Variants in DPH6 observed in about 807,000 individuals in gnomAD.
DPH6 encodes diphthine--ammonia ligase.
Under a neutral mutation model 38.2 loss-of-function variants are expected in DPH6, and 33 were observed. The observed-to-expected ratio is 0.86, with a 90% CI of 0.65 to 1.15. The LOEUF (loss-of-function observed/expected upper bound fraction) is 1.15, where lower values mean the gene tolerates loss of function less well. Ranked by LOEUF, DPH6 falls within the 50% of genes most tolerant of loss-of-function variation. The pLI is 0.00. For missense variants in DPH6, 325 were observed against 320.0 expected, an observed-to-expected ratio of 1.02 and a Z score of -0.12; for synonymous variants, 108 against 103.0, an observed-to-expected ratio of 1.05 and a Z score of -0.30.
chr15:35,485,250 T>C (rs1311612906), intron 3 of DPH6, among the ~76,000 whole-genome samples: 2 of 152,152 alleles, frequency 1.3e-5, no homozygotes, highest in African/African-American at 2.4e-5. Context: ...AGAAGGCACA[T>C]GGGGAATACA....
chr15:35,495,853 G>A (rs1009594206), intron 3 of DPH6, among the ~76,000 whole-genome samples: 1 of 152,088 alleles, frequency 6.6e-6, no homozygotes, highest in Non-Finnish European at 1.5e-5. Context: ...GGCCTAAGAA[G>A]AAACAAATTA....
chr15:35,150,991 A>T, the DPH6 span, among the ~76,000 whole-genome samples: 1 of 152,144 alleles, frequency 6.6e-6, no homozygotes, highest in Non-Finnish European at 1.5e-5. Context: ...TTTATTTTTC[A>T]ATTATCTCAT....
chr15:35,167,107 A>T, the DPH6 span, among the ~76,000 whole-genome samples: 1 of 152,016 alleles, frequency 6.6e-6, no homozygotes, highest in African/African-American at 2.4e-5. Context: ...ATAAAACTAG[A>T]CATGGCTTTA....
the DPH6 span, among the ~76,000 whole-genome samples, chr15:35,197,921 A>G: frequency 3.9e-5 from 6 of 152,304 alleles, no homozygotes; most frequent in Admixed American, 3.9e-4. Flanking sequence ...TCTCATGGAC[A>G]TTACAGATTT....
chr15:35,313,576 G>A (rs2052162480), intron 3 of DPH6, among the ~76,000 whole-genome samples: 1 of 151,678 alleles, frequency 6.6e-6, no homozygotes, highest in South Asian at 2.1e-4. Flanking sequence ...TGATTCCTAG[G>A]TATTATATAT....
At chr15:35,424,843 C>T (rs2053548828) in intron 5 of DPH6, among the ~76,000 whole-genome samples, 1 of 151,570 alleles carries the variant, frequency 6.6e-6, no homozygotes, top group Admixed American at 6.6e-5. Context: ...CTTAATCCTG[C>T]TTGAGTGAAG....
At chr15:35,337,110 G>A (rs1189550149) in intron 3 of DPH6, among the ~76,000 whole-genome samples, 2 of 152,126 alleles carry the variant, frequency 1.3e-5, no homozygotes, top group African/African-American at 4.8e-5. Context: ...ATTGATTAAT[G>A]CCACAATTTC....
At chr15:35,280,589 T>C (rs2051891724) in intron 3 of DPH6, among the ~76,000 whole-genome samples, 1 of 152,240 alleles carries the variant, frequency 6.6e-6, no homozygotes, top group Non-Finnish European at 1.5e-5. Context: ...ATGTGAAATT[T>C]GGATTACTCC....
At chr15:35,496,946 T>C (rs1027951733) in intron 3 of DPH6, among the ~76,000 whole-genome samples, 1 of 152,048 alleles carries the variant, frequency 6.6e-6, no homozygotes, top group African/African-American at 2.4e-5. Context: ...CTGGAACTTA[T>C]TCAGATGCTG....
downstream of DPH6, among the ~76,000 whole-genome samples, chr15:35,367,683 T>A (rs1595503923): frequency 6.6e-6 from 1 of 151,786 alleles, no homozygotes; most frequent in African/African-American, 2.4e-5. Flanking sequence ...ATATAAATAA[T>A]TTAAAATTTT....
the DPH6 span, among the ~76,000 whole-genome samples, chr15:35,163,277 C>G: frequency 6.6e-6 from 1 of 151,810 alleles, no homozygotes; most frequent in Non-Finnish European, 1.5e-5. Flanking sequence ...GTTTTACTGC[C>G]ATTTATCTTT....
chr15:35,319,410 T>C (rs1345407147), intron 3 of DPH6, among the ~76,000 whole-genome samples: 4 of 152,134 alleles, frequency 2.6e-5, no homozygotes, highest in South Asian at 2.1e-4. Flanking sequence ...CCTTTCCAAA[T>C]TGTCCTGAAG....
In DPH6 at chr15:35,274,654, T is replaced by C. The variant is rs761387806; in HGVS notation, n.201-54072A>G. Among the ~76,000 whole-genome samples the C allele has an allele frequency of 2.2e-4, 33 of 152,214 alleles. No individual in the cohort carries two copies. In the Middle Eastern group the frequency reaches 0.01, roughly 47 times the overall value. The stretch of plus-strand genomic sequence containing the variant: ...ACATATGAAAGAAAGCTCATCATCA[T>C]TGGTCATCAGAGAAATGCAAATCAA... On this transcript the variant is annotated intron_variant and non_coding_transcript_variant, in intron 3 of 3. Transcript: ENST00000560386.
intron 5 of DPH6, among the ~76,000 whole-genome samples, chr15:35,423,551 T>C (rs1056729007): frequency 3.3e-5 from 5 of 151,764 alleles, no homozygotes; most frequent in Non-Finnish European, 7.4e-5. Context: ...TTTGATGCAA[T>C]CCTATATGTC....
chr15:35,350,939 A>G (rs544369998), intron 3 of DPH6, among the ~76,000 whole-genome samples: 1 of 152,140 alleles, frequency 6.6e-6, no homozygotes, highest in South Asian at 2.1e-4. Context: ...ATCTATAAAG[A>G]CCAATTTGTC....
intron 6 of DPH6, among the ~76,000 whole-genome samples, chr15:35,399,194 T>C (rs902858053): frequency 6.6e-6 from 1 of 152,018 alleles, no homozygotes; most frequent in Non-Finnish European, 1.5e-5. Context: ...ACAAAAGCTA[T>C]CAATATTCTT....
intron 1 of DPH6, among the ~76,000 whole-genome samples, chr15:35,544,502 A>T (rs1304750205): frequency 1.2e-4 from 18 of 150,386 alleles, no homozygotes; most frequent in Non-Finnish European, 1.9e-4. Flanking sequence ...AAAGTATAAT[A>T]AAAAAAAAAT....
At chr15:35,182,527 C>A in the DPH6 span, among the ~76,000 whole-genome samples, 1 of 151,844 alleles carries the variant, frequency 6.6e-6, no homozygotes, top group Non-Finnish European at 1.5e-5. Context: ...ACTTACCCAC[C>A]GACAAAATTT....
the DPH6 span, among the ~76,000 whole-genome samples, chr15:35,191,401 G>T: frequency 2.0e-5 from 3 of 152,120 alleles, no homozygotes; most frequent in Non-Finnish European, 2.9e-5. Context: ...CATCATTTTT[G>T]GAGACCTTCT....
Sources: allele counts gnomAD v4.1 joint callset (sites outside exome capture counted in the v4.1 genomes callset), GRCh38; gene constraint gnomAD v4.1.1; transcripts MANE v1.5; gene names NCBI Gene and HGNC (gene_info 2026-07-23, HGNC 2026-07-21).